The following GRIA2 variants were observed in gnomAD, a reference collection of about 807,000 sequenced individuals.
GRIA2 encodes the protein glutamate receptor 2.
A neutral mutation model predicts 97.3 loss-of-function variants in GRIA2; 14 were observed. That is an observed-to-expected ratio of 0.14 (90% CI 0.10 to 0.23). The LOEUF (loss-of-function observed/expected upper bound fraction) is 0.23. GRIA2 is among the 10% of genes least tolerant of loss of function. The pLI, the probability that GRIA2 is intolerant of heterozygous loss-of-function variation, is 1.00. For missense variants in GRIA2, 558 were observed against 1,069.8 expected (o/e 0.52, Z 6.67); for synonymous variants, 412 against 387.8 (o/e 1.06, Z -0.73).
intron 12 of GRIA2, among the ~76,000 whole-genome samples, chr4:157,350,043 G>C (rs1281919323): frequency 1.3e-5 from 2 of 152,040 alleles, no homozygotes; most frequent in African/African-American, 4.8e-5. Context: ...AATTCGTTAA[G>C]AGTCACTATT....
In GRIA2 at chr4:157,362,969, C is replaced by T; in HGVS notation, c.2577C>T (p.Ser859=). 1 of 1,613,440 alleles carries T rather than the reference C, an allele frequency of 6.2e-7. No homozygotes were observed. Among genetic ancestry groups the T allele is most frequent in the Non-Finnish European group, 8.5e-7 (1 of 1,179,534 alleles). Residue 859 remains serine (S), a synonymous_variant, in exon 15 of 16, where the codon TCC becomes TCT. Coordinates refer to ENST00000264426, the MANE Select transcript of GRIA2 (RefSeq NM_001083619.3). The part of the protein sequence containing the change: ...AKNAQNINPS[S]SQNSQNFATY... ...ATGCACAGAATATTAACCCATCTTC[C>T]TCGCAGAATTCACAGAATTTTGCAA... is the stretch of plus-strand genomic sequence containing the variant.
intron 3 of GRIA2, among the ~76,000 whole-genome samples, chr4:157,309,777 G>T (rs993382292): frequency 1.1e-4 from 17 of 152,072 alleles, no homozygotes; most frequent in Non-Finnish European, 2.2e-4. Context: ...TATGTCAAAA[G>T]TTGAGACATA....
At chr4:157,333,886 T>C (rs1186501321) in intron 8 of GRIA2, 124 bp from the exon 9 acceptor site, 2 of 598,898 alleles carry the variant, frequency 3.3e-6, no homozygotes, top group Middle Eastern at 2.6e-4. Flanking sequence ...GACATTTCTA[T>C]TTAGAACAAG....
At position 157,361,809 on chromosome 4, in the gene GRIA2, C is replaced by G. The variant is rs1736643673; in HGVS notation, c.2406+685C>G. 6.6e-6 allele frequency among the ~76,000 whole-genome samples: 1 copy of G among 152,230 alleles called. No homozygotes were observed. Among genetic ancestry groups the G allele is most frequent in the Non-Finnish European group, 1.5e-5 (1 of 68,016 alleles). Reference sequence around the variant, plus strand: ...TGGTAAGATGTTTTGGTAATGCCTGCAGAGTTACTGATTTGTTGTTTTTAT... The same window carrying G: ...TGGTAAGATGTTTTGGTAATGCCTGGAGAGTTACTGATTTGTTGTTTTTAT... On this transcript the variant is annotated intron_variant, in intron 14 of 15. Transcript: ENST00000264426. This position sits in a 1 kb window ranked among gnomAD's most constrained non-coding sequence, Gnocchi z 5.2.
chr4:157,278,811 G>A (rs1732464346), intron 2 of GRIA2, among the ~76,000 whole-genome samples: 1 of 151,678 alleles, frequency 6.6e-6, no homozygotes, highest in Admixed American at 6.6e-5. Context: ...ATAGACAAAA[G>A]ACTTGAACAC....
Position 157,361,148 on chromosome 4 carries a change from TG to T in GRIA2, c.2406+27del, listed in dbSNP as rs1423008021. On this transcript the variant is annotated intron_variant, in intron 14 of 15. Coordinates refer to ENST00000264426, the MANE Select transcript of GRIA2 (RefSeq NM_001083619.3). The surrounding 1 kb of genome is among the most constrained non-coding windows in gnomAD (Gnocchi z 5.2). ...AGGTCAGCCCCAGTGAGAAAAGTAA[TG>T]GGTAACTCAATGCAAAACAAAGTAA... 1 of 1,530,640 alleles carries T rather than the reference TG, an allele frequency of 6.5e-7. No individual in the cohort carries two copies. The highest frequency in any genetic ancestry group is 9.1e-7 in the Non-Finnish European group (1 of 1,104,642). 94.8% of individuals were successfully genotyped at this position (1,530,640 alleles called of 1,614,324 possible). A position where few individuals can be genotyped will look rare whatever the true frequency, so the allele number is the denominator to read the frequency against.
intron 6 of GRIA2, among the ~76,000 whole-genome samples, chr4:157,332,526 A>AG (rs909061330): frequency 4.9e-5 from 4 of 82,274 alleles, no homozygotes; most frequent in Non-Finnish European, 8.4e-5. Flanking sequence ...GAAGCAGGTT[A>AG]GAAAAAAAAA....
chr4:157,256,452 T>C (rs1035563105), intron 2 of GRIA2, among the ~76,000 whole-genome samples: 1 of 150,786 alleles, frequency 6.6e-6, no homozygotes, highest in Admixed American at 6.7e-5. Context: ...ACACATAACT[T>C]GAATAAGCTC....
chr4:157,317,558 A>G, intron 4 of GRIA2, 100 bp from the exon 5 acceptor site: 1 of 490,520 alleles, frequency 2.0e-6, no homozygotes, highest in South Asian at 3.6e-5. Flanking sequence ...AACCTAGCAG[A>G]TAAAATTCCA....
rs1491065937 is a variant in GRIA2 at position 157,355,942 on chromosome 4, A to AAT, written c.2044-3947_2044-3946dup. On this transcript the variant is annotated intron_variant, in intron 12 of 15. Coordinates refer to ENST00000264426, the MANE Select transcript of GRIA2 (RefSeq NM_001083619.3). Reference sequence around the variant, plus strand: ...ATATATTTATATATATTTATATATTAATATATATTTATATATTTATGTATA... The same window carrying AAT: ...ATATATTTATATATATTTATATATTAATATATATATTTATATATTTATGTATA... 8.0e-4 allele frequency among the ~76,000 whole-genome samples: 3 copies of AAT among 3,744 alleles called. 1 individual carries two copies. The highest frequency in any genetic ancestry group is 1.5e-3 in the African/African-American group (3 of 2,042). 2.5% of individuals were successfully genotyped at this position (3,744 alleles called of 152,430 possible).
intron 12 of GRIA2, among the ~76,000 whole-genome samples, chr4:157,347,114 G>C (rs1735797118): frequency 6.6e-6 from 1 of 152,108 alleles, no homozygotes; most frequent in Non-Finnish European, 1.5e-5. Flanking sequence ...AGCTCATTCA[G>C]TAGTTCTTAA....
In GRIA2 at chr4:157,344,351, G is replaced by C. The variant is rs1046893704; in HGVS notation, c.2043+2889G>C. On this transcript the variant is annotated intron_variant, in intron 12 of 15. Transcript: ENST00000264426. ...GTTCATCCTCTCTCAACTTTCCTTT[G>C]GTCCTAAGGAATTTTGGGGCTTCTG... Among the ~76,000 whole-genome samples, 4 of 151,856 alleles carry C rather than the reference G, an allele frequency of 2.6e-5. No individual in the cohort carries two copies. The South Asian group carries it at 6.2e-4, about 24-fold the overall frequency.
At chr4:157,253,525 C>T (rs1731106888) in intron 2 of GRIA2, among the ~76,000 whole-genome samples, 1 of 152,068 alleles carries the variant, frequency 6.6e-6, no homozygotes, top group African/African-American at 2.4e-5. Context: ...GTATATTCTT[C>T]TGAAACTGTT....
At chr4:157,315,416 C>T (rs1734268083) in intron 4 of GRIA2, among the ~76,000 whole-genome samples, 1 of 150,128 alleles carries the variant, frequency 6.7e-6, no homozygotes, top group Non-Finnish European at 1.5e-5. Flanking sequence ...TTCACTCAAC[C>T]AGTGTTTTTT....
intron 3 of GRIA2, among the ~76,000 whole-genome samples, chr4:157,307,604 A>G (rs1733898925): frequency 6.6e-6 from 1 of 152,218 alleles, no homozygotes; most frequent in Non-Finnish European, 1.5e-5. Flanking sequence ...ATCTATGTTA[A>G]TGCATTCAAC....
intron 2 of GRIA2, among the ~76,000 whole-genome samples, chr4:157,248,612 C>CATGTATATATACGTGTATAT (rs1730865075): frequency 3.9e-5 from 1 of 25,786 alleles, no homozygotes; most frequent in East Asian, 1.8e-3. Flanking sequence ...TGTATATATA[C>CATGTATATATACGTGTATAT]ATGTATATAT....
chr4:157,299,157 G>A (rs1008292686), intron 2 of GRIA2, among the ~76,000 whole-genome samples: 2 of 152,076 alleles, frequency 1.3e-5, no homozygotes, highest in Admixed American at 1.3e-4. Context: ...GCAAATTTTG[G>A]TCTAATAAAT....
At chr4:157,363,099 T>G (rs537360331) in intron 15 of GRIA2, 52 bp downstream of exon 15, 14 of 1,540,514 alleles carry the variant, frequency 9.1e-6, no homozygotes, top group Non-Finnish European at 1.1e-5. Context: ...AGCTTTCTTG[T>G]TGCGTCCTTA....
In GRIA2 at chr4:157,322,242, A is replaced by AGTGTGT. The variant is rs35080512; in HGVS notation, c.882+678_882+683dup. ...GAGAGAGTGAGAAAGAGAGAGAGAG[A>AGTGTGT]GTGTGTGTGTGTGTGTGTGTGTGTG... On this transcript the variant is annotated intron_variant, in intron 6 of 15. Transcript: ENST00000264426. Among the ~76,000 whole-genome samples, 72 of 137,242 alleles carry AGTGTGT rather than the reference A, an allele frequency of 5.2e-4. 2 individuals are homozygous for AGTGTGT. The highest frequency in any genetic ancestry group is 4.0e-3 in the South Asian group (17 of 4,200). 90.0% of individuals were successfully genotyped at this position (137,242 alleles called of 152,430 possible).
Sources: gnomAD v4.1 joint callset for allele counts (sites outside exome capture counted in the v4.1 genomes callset) on GRCh38, gnomAD v4.1.1 for gene constraint, Gnocchi (gnomAD v3.1) non-coding constraint, MANE v1.5 for transcripts, NCBI Gene and HGNC (gene_info 2026-07-23, HGNC 2026-07-21) for gene names.